The following DNAH3 variants were observed in gnomAD, a reference collection of about 807,000 sequenced individuals.
The protein encoded by DNAH3 is axonemal beta dynein heavy chain 3.
DNAH3 carries 332 observed loss-of-function variants against 432.5 expected under a neutral mutation model. That is an observed-to-expected ratio of 0.77 (90% confidence interval 0.70 to 0.84). The LOEUF (loss-of-function observed/expected upper bound fraction) is 0.84. DNAH3 is among the 40% of genes least tolerant of loss of function. The pLI is 0.00. For missense variants in DNAH3, 4,861 were observed against 5,114.0 expected, an observed-to-expected ratio of 0.95 and a Z score of 1.51; for synonymous variants, 1,956 against 1,900.2, an observed-to-expected ratio of 1.03 and a Z score of -0.76.
At position 21,060,313 on chromosome 16, in the gene DNAH3, A is replaced by G. The variant is rs1235691307; in HGVS notation, c.3764T>C (p.Leu1255Pro). 20 of 1,613,974 alleles carry G rather than the reference A, an allele frequency of 1.2e-5. No individual in the cohort carries two copies. The highest frequency in any genetic ancestry group is 1.5e-5 in the Non-Finnish European group (18 of 1,180,016). The stretch of plus-strand genomic sequence containing the variant: ...TCCAATGACTTCTCGCATACTGGCC[A>G]GCATCATCTGCTCCACCTGCTGGAG... Residue 1255 changes from leucine to proline, a missense_variant, in exon 26 of 62, where the codon CTG becomes CCG. Coordinates refer to ENST00000261383, the Ensembl canonical transcript of DNAH3.
chr16:20,962,118 G>A (rs370136012), intron 53 of DNAH3, among the ~76,000 whole-genome samples: 4 of 151,410 alleles, frequency 2.6e-5, no homozygotes, highest in Non-Finnish European at 4.4e-5. Flanking sequence ...CCAATATCAC[G>A]CCACTGCAGT....
chr16:21,112,125 A>C, intron 12 of DNAH3, 27 bp from the exon 13 acceptor site: 1 of 1,490,622 alleles, frequency 6.7e-7, no homozygotes, highest in Non-Finnish European at 9.3e-7. Context: ...TGTGAAATCA[A>C]ACACACAAAT....
intron 53 of DNAH3, among the ~76,000 whole-genome samples, chr16:20,961,757 G>GTTTTTTT: frequency 8.1e-6 from 1 of 123,382 alleles, no homozygotes; most frequent in Non-Finnish European, 1.7e-5. Context: ...TAAATTTCTG[G>GTTTTTTT]TTTTTTTTTT....
At chr16:21,020,389 ATATATATATTTTTT>A (rs1290795240) in intron 40 of DNAH3, among the ~76,000 whole-genome samples, 424 of 29,818 alleles carry the variant, frequency 0.014, 6 homozygotes, top group Admixed American at 0.024. Flanking sequence ...ATATATATAT[ATATATATATTTTTT>A]TTTTTTTTTT....
intron 12 of DNAH3, among the ~76,000 whole-genome samples, chr16:21,112,430 G>A (rs1462649206): frequency 1.3e-5 from 2 of 152,152 alleles, no homozygotes; most frequent in African/African-American, 4.8e-5. Context: ...AGTTCCACAT[G>A]GCTGGGGAGG....
intron 37 of DNAH3, among the ~76,000 whole-genome samples, chr16:21,029,019 A>T (rs1449792629): frequency 2.0e-5 from 3 of 152,234 alleles, no homozygotes; most frequent in African/African-American, 7.2e-5. Flanking sequence ...TCATCTCTGA[A>T]TATAAAGAAA....
At chr16:21,147,860 T>C (rs1466869920) in intron 1 of DNAH3, among the ~76,000 whole-genome samples, 1 of 152,226 alleles carries the variant, frequency 6.6e-6, no homozygotes, top group Non-Finnish European at 1.5e-5. Flanking sequence ...AAACAACCAC[T>C]TCACCTGGGA....
At chr16:20,971,224 G>T (rs1348056776) in intron 51 of DNAH3, among the ~76,000 whole-genome samples, 1 of 151,858 alleles carries the variant, frequency 6.6e-6, no homozygotes, top group Non-Finnish European at 1.5e-5. Context: ...TAAAGAGCAG[G>T]GAACTAACTT....
chr16:21,026,932 G>C lies in DNAH3; in HGVS notation c.5540+95C>G, dbSNP rs1056004573. The C allele has an allele frequency of 1.1e-5, 9 of 815,250 alleles. No individual in the cohort carries two copies. In the Admixed American group the frequency reaches 1.1e-4, roughly 10 times the overall value. 50.5% of individuals were successfully genotyped at this position (815,250 alleles called of 1,614,324 possible). A position where few individuals can be genotyped will look rare whatever the true frequency, so the allele number is the denominator to read the frequency against. On this transcript the variant is annotated intron_variant, in intron 38 of 61. Transcript: ENST00000261383. ...ATAATAATGTAGATGATCTGCGAGG[G>C]CTTCATCACATTTGTGAAATTTGAG... is the stretch of plus-strand genomic sequence containing the variant.
intron 41 of DNAH3, among the ~76,000 whole-genome samples, chr16:21,003,645 C>T (rs533339974): frequency 6.6e-6 from 1 of 152,026 alleles, no homozygotes; most frequent in East Asian, 1.9e-4. Context: ...CATGGTGGCA[C>T]GTGCCTGTAG....
chr16:21,090,614 T>C (rs1457645692), intron 18 of DNAH3, among the ~76,000 whole-genome samples: 6 of 152,170 alleles, frequency 3.9e-5, no homozygotes, highest in African/African-American at 1.4e-4. Context: ...CTGGAGGACA[T>C]TATGCTAAGT....
chr16:21,087,145 G>A, intron 18 of DNAH3, 85 bp from the exon 19 acceptor site: 1 of 1,150,818 alleles, frequency 8.7e-7, no homozygotes, highest in Non-Finnish European at 1.3e-6. Flanking sequence ...TTAGAGCTGT[G>A]CCTCCTGTCG....
At chr16:20,986,334 G>A (rs906985795) in intron 47 of DNAH3, among the ~76,000 whole-genome samples, 1 of 151,838 alleles carries the variant, frequency 6.6e-6, no homozygotes, top group East Asian at 2.0e-4. Context: ...GTGAGACTCA[G>A]TCTCTACAAT....
At chr16:21,128,315 A>G (rs1420260357) in intron 7 of DNAH3, among the ~76,000 whole-genome samples, 1 of 152,104 alleles carries the variant, frequency 6.6e-6, no homozygotes, top group East Asian at 1.9e-4. Context: ...TTTGGAGGCT[A>G]AGGAGAGAGG....
intron 12 of DNAH3, among the ~76,000 whole-genome samples, chr16:21,112,325 G>A (rs2092095165): frequency 6.6e-6 from 1 of 152,158 alleles, no homozygotes; most frequent in African/African-American, 2.4e-5. Context: ...AGATATTTCA[G>A]TTTTTCAAGG....
intron 31 of DNAH3, among the ~76,000 whole-genome samples, chr16:21,048,600 C>T (rs147540388): frequency 0.025 from 3,868 of 152,230 alleles, 176 homozygotes; most frequent in African/African-American, 0.088. Flanking sequence ...GAGATGAACC[C>T]GGTACCTCAG....
chr16:21,053,479 A>T (rs2090027472), intron 28 of DNAH3, among the ~76,000 whole-genome samples: 1 of 152,170 alleles, frequency 6.6e-6, no homozygotes, highest in Admixed American at 6.5e-5. Context: ...GCCATTGTGT[A>T]CATGTGTGCA....
intron 41 of DNAH3, among the ~76,000 whole-genome samples, chr16:21,012,410 C>A (rs2087646022): frequency 6.6e-6 from 1 of 152,148 alleles, no homozygotes; most frequent in Admixed American, 6.5e-5. Flanking sequence ...ATATATAATT[C>A]AACCTCACTT....
chr16:21,152,263 A>G (rs1232129616), intron 1 of DNAH3, among the ~76,000 whole-genome samples: 1 of 152,188 alleles, frequency 6.6e-6, no homozygotes, highest in Non-Finnish European at 1.5e-5. Flanking sequence ...AAAAAAACTG[A>G]GAGATACATA....
Sources: allele counts gnomAD v4.1 joint callset (sites outside exome capture counted in the v4.1 genomes callset), GRCh38; gene constraint gnomAD v4.1.1; transcripts MANE v1.5; gene names NCBI Gene and HGNC (gene_info 2026-07-23, HGNC 2026-07-21).